Variants in ATF6 observed in about 807,000 individuals in gnomAD.
ATF6 encodes the protein activating transcription factor 6, also known as cyclic AMP-dependent transcription factor ATF-6 alpha.
Under a neutral mutation model 83.6 loss-of-function variants are expected in ATF6, and 53 were observed. The observed-to-expected ratio is 0.63, with a 90% CI of 0.51 to 0.80. The LOEUF is 0.80. ATF6 is among the 30% of genes least tolerant of loss of function. ATF6 has a pLI of 0.00. For synonymous variants in ATF6, 288 were observed against 285.8 expected, an observed-to-expected ratio of 1.01 and a Z score of -0.08; for missense variants, 744 against 797.9, an observed-to-expected ratio of 0.93 and a Z score of 0.81.
intron 8 of ATF6, among the ~76,000 whole-genome samples, chr1:161,820,119 A>G (rs1253999958): frequency 6.6e-6 from 1 of 151,896 alleles, no homozygotes; most frequent in Non-Finnish European, 1.5e-5. Context: ...GTGCCCTGCC[A>G]TATTTTCCCT....
chr1:161,874,694 C>G (rs866143161), intron 14 of ATF6, among the ~76,000 whole-genome samples: 1 of 151,490 alleles, frequency 6.6e-6, no homozygotes, highest in Non-Finnish European at 1.5e-5. Flanking sequence ...AATTCTCCCC[C>G]CAAAATGTGC....
chr1:161,877,730 C>G (rs1687245271), intron 14 of ATF6, among the ~76,000 whole-genome samples: 1 of 152,106 alleles, frequency 6.6e-6, no homozygotes, highest in Non-Finnish European at 1.5e-5. Context: ...GACCTATTAA[C>G]AGTAGGAGCA....
intron 14 of ATF6, among the ~76,000 whole-genome samples, chr1:161,867,044 C>T (rs1190905182): frequency 1.3e-5 from 2 of 152,136 alleles, no homozygotes; most frequent in African/African-American, 4.8e-5. Flanking sequence ...CCTGTAATCC[C>T]AGCACGTTGG....
At chr1:161,792,826 T>G (rs1251861029) in intron 6 of ATF6, among the ~76,000 whole-genome samples, 1 of 152,164 alleles carries the variant, frequency 6.6e-6, no homozygotes, top group Admixed American at 6.5e-5. Flanking sequence ...TAAGAATTTG[T>G]GTGTTTCGTA....
chr1:161,777,923 A>G (rs1475118143), intron 1 of ATF6, among the ~76,000 whole-genome samples: 1 of 152,202 alleles, frequency 6.6e-6, no homozygotes, highest in Non-Finnish European at 1.5e-5. Flanking sequence ...TTAACTCTTC[A>G]TGCTGAACCC....
At chr1:161,809,718 G>T (rs1196809670) in intron 7 of ATF6, among the ~76,000 whole-genome samples, 1 of 152,050 alleles carries the variant, frequency 6.6e-6, no homozygotes, top group Non-Finnish European at 1.5e-5. Flanking sequence ...TCCTGACTTT[G>T]TAATGATTGC....
chr1:161,774,390 T>C lies in ATF6; in HGVS notation c.83-3854T>C, dbSNP rs554898556. ...GTAGCAGTGGAGTAATGAGAAGTAG[T>C]TGGATTATGGATATGTACACACACA... On this transcript the variant is annotated intron_variant, in intron 1 of 15. Coordinates refer to ENST00000367942, the MANE Select transcript of ATF6 (RefSeq NM_007348.4). 6.7e-5 allele frequency among the ~76,000 whole-genome samples: 10 copies of C among 149,618 alleles called. No individual in the cohort carries two copies. In the East Asian group the frequency reaches 2.0e-3, roughly 30 times the overall value.
intron 15 of ATF6, among the ~76,000 whole-genome samples, chr1:161,941,964 T>C (rs1465833002): frequency 6.6e-6 from 1 of 150,922 alleles, no homozygotes; most frequent in East Asian, 2.0e-4. Flanking sequence ...CCTCTTATCT[T>C]CTTTTTTTCG....
intron 7 of ATF6, among the ~76,000 whole-genome samples, chr1:161,817,508 T>G (rs2101779832): frequency 6.6e-6 from 1 of 152,306 alleles, no homozygotes; most frequent in East Asian, 1.9e-4. Flanking sequence ...TCTTTGTATG[T>G]GCGTGCGTGT....
Position 161,846,562 on chromosome 1 carries a change from T to A in ATF6, c.1301T>A (p.Ile434Asn), listed in dbSNP as rs778505674. 2 of 1,604,884 alleles carry A rather than the reference T, an allele frequency of 1.2e-6. No individual in the cohort carries two copies. Among genetic ancestry groups the A allele is most frequent in the Non-Finnish European group, 1.7e-6 (2 of 1,175,444 alleles). ...GCACAGGACACATCAGATGGTATTA[T>A]CCAGAAAAACAGCTACAGGTAAGAT... ...KEAQDTSDGIIQKNSYRYDHS... is the reference protein window; with the variant it reads ...KEAQDTSDGINQKNSYRYDHS... Residue 434 changes from isoleucine to asparagine, a missense_variant, in exon 10 of 16, where the codon ATC becomes AAC. Physicochemically the swap from Ile to Asn is moderately radical, Grantham distance 149. Transcript: ENST00000367942.
intron 15 of ATF6, among the ~76,000 whole-genome samples, chr1:161,945,225 T>G (rs990772991): frequency 6.6e-6 from 1 of 152,268 alleles, no homozygotes; most frequent in Non-Finnish European, 1.5e-5. Flanking sequence ...AATGGCACGT[T>G]AATTACAGAA....
intron 15 of ATF6, among the ~76,000 whole-genome samples, chr1:161,951,080 T>A (rs1178963887): frequency 6.6e-6 from 1 of 152,186 alleles, no homozygotes; most frequent in East Asian, 1.9e-4. Context: ...TCAAAAGCCC[T>A]AGGGGAGCTA....
chr1:161,809,855 G>A (rs1685411118), intron 7 of ATF6, among the ~76,000 whole-genome samples: 1 of 152,160 alleles, frequency 6.6e-6, no homozygotes, highest in Admixed American at 6.5e-5. Flanking sequence ...AGAAGTGTCT[G>A]TTCATATCTT....
At chr1:161,914,072 A>G (rs1688043077) in intron 15 of ATF6, among the ~76,000 whole-genome samples, 1 of 152,010 alleles carries the variant, frequency 6.6e-6, no homozygotes. Context: ...TCTGTTTCAG[A>G]CTCTTTGTAA....
intron 9 of ATF6, among the ~76,000 whole-genome samples, chr1:161,841,316 G>C (rs906205190): frequency 6.6e-6 from 1 of 152,170 alleles, no homozygotes; most frequent in Admixed American, 6.5e-5. Context: ...TAGTTATTCA[G>C]ATGGTTAAAA....
At chr1:161,821,618 G>A (rs1192513257) in intron 9 of ATF6, among the ~76,000 whole-genome samples, 3 of 152,202 alleles carry the variant, frequency 2.0e-5, no homozygotes, top group Non-Finnish European at 4.4e-5. Flanking sequence ...GGCATGACAT[G>A]TTCATAAAAA....
At chr1:161,785,315 T>A (rs1289447163) in intron 4 of ATF6, among the ~76,000 whole-genome samples, 3 of 152,224 alleles carry the variant, frequency 2.0e-5, no homozygotes, top group African/African-American at 7.2e-5. Flanking sequence ...CAAAAACTAC[T>A]TCCTTTATGA....
At chr1:161,933,808 GCA>G (rs1688481783) in intron 15 of ATF6, among the ~76,000 whole-genome samples, 1 of 152,124 alleles carries the variant, frequency 6.6e-6, no homozygotes, top group Admixed American at 6.5e-5. Flanking sequence ...TTCCACTCCA[GCA>G]CAGTTTTTCT....
At chr1:161,919,811 C>T (rs952941277) in intron 15 of ATF6, among the ~76,000 whole-genome samples, 1 of 152,156 alleles carries the variant, frequency 6.6e-6, no homozygotes, top group Admixed American at 6.5e-5. Flanking sequence ...TAATTTCCAT[C>T]CATATAAAGA....
Sources: gnomAD v4.1 joint callset for allele counts (sites outside exome capture counted in the v4.1 genomes callset) on GRCh38, gnomAD v4.1.1 for gene constraint, MANE v1.5 for transcripts, NCBI Gene and HGNC (gene_info 2026-07-23, HGNC 2026-07-21) for gene names.